The following TIAM2 variants were observed in gnomAD, a reference collection of about 807,000 sequenced individuals.
TIAM2 encodes the protein TIAM Rac1 associated GEF 2, also known as rho guanine nucleotide exchange factor TIAM2.
A neutral mutation model predicts 152.9 loss-of-function variants in TIAM2; 80 were observed. That is an observed-to-expected ratio of 0.52 (90% CI 0.44 to 0.63). The LOEUF (loss-of-function observed/expected upper bound fraction) is 0.63. TIAM2 is among the 30% of genes least tolerant of loss of function. The pLI is 0.00. For missense variants in TIAM2, 1,965 were observed against 2,120.1 expected, an observed-to-expected ratio of 0.93 and a Z score of 1.44; for synonymous variants, 804 against 838.0, an observed-to-expected ratio of 0.96 and a Z score of 0.70.
At chr6:155,136,751 C>A (rs547629636) in intron 4 of TIAM2, among the ~76,000 whole-genome samples, 1 of 152,088 alleles carries the variant, frequency 6.6e-6, no homozygotes, top group Non-Finnish European at 1.5e-5. Flanking sequence ...TAGTAATTTT[C>A]TAATTTACCT....
At chr6:155,098,229 G>A (rs1286628287) in intron 2 of TIAM2, among the ~76,000 whole-genome samples, 1 of 152,004 alleles carries the variant, frequency 6.6e-6, no homozygotes, top group Non-Finnish European at 1.5e-5. Context: ...TTGGTATTTT[G>A]ATAGGGATTG....
intron 26 of TIAM2, chr6:155,254,807 C>T (rs2989459): frequency 0.34 from 168,942 of 499,702 alleles, 32,171 homozygotes; most frequent in Middle Eastern, 0.48. Context: ...TCCAAATGTA[C>T]GATTTTGTTT....
At chr6:155,172,678 ATATATATATTTTTTTTTTTTTTTTT>A (rs1193671253) in intron 9 of TIAM2, among the ~76,000 whole-genome samples, 5 of 13,950 alleles carry the variant, frequency 3.6e-4, no homozygotes, top group African/African-American at 1.8e-3. Flanking sequence ...ATATATATAT[ATATATATATTTTTTTTTTTTTTTTT>A]TTTTTTTTTC....
At position 155,104,040 on chromosome 6, in the gene TIAM2, A is replaced by AC. The variant is rs774902405; in HGVS notation, c.-118+13672dup. Among the ~76,000 whole-genome samples the AC allele has an allele frequency of 8.3e-3, 480 of 57,670 alleles. 22 individuals are homozygous for AC. Among genetic ancestry groups the AC allele is most frequent in the East Asian group, 0.036 (70 of 1,932 alleles). The allele number at this position is 57,670 out of a possible 152,430, so 37.8% of individuals were successfully genotyped here. On this transcript the variant is annotated intron_variant, in intron 2 of 26. Coordinates refer to ENST00000682666, the MANE Select transcript of TIAM2 (RefSeq NM_012454.4). ...TTCTGTATTTACCTCACACACACAC[A>AC]CCCCCCCCCCCACACCCCCACACAC...
intron 1 of TIAM2, among the ~76,000 whole-genome samples, chr6:155,087,153 G>A (rs990247144): frequency 1.3e-5 from 2 of 152,148 alleles, no homozygotes; most frequent in Non-Finnish European, 2.9e-5. Context: ...TCTCCAGGGA[G>A]GTGTTCCCTG....
intron 2 of TIAM2, among the ~76,000 whole-genome samples, chr6:155,092,341 G>A (rs1028299683): frequency 1.3e-5 from 2 of 151,826 alleles, no homozygotes; most frequent in African/African-American, 4.8e-5. Flanking sequence ...CAAGTGATCC[G>A]CCCGTCTCAG....
chr6:155,217,082 G>T, intron 15 of TIAM2: 1 of 1,289,528 alleles, frequency 7.8e-7, no homozygotes, highest in Non-Finnish European at 1.0e-6. Flanking sequence ...TCCTTTTTAT[G>T]TACAGCATGT....
rs200437239 is a variant in TIAM2 at position 155,144,315 on chromosome 6, A to G, written c.1631-291A>G. 5.9e-5 allele frequency among the ~76,000 whole-genome samples: 9 copies of G among 152,326 alleles called. No homozygotes were observed. The South Asian group carries it at 6.2e-4, about 11-fold the overall frequency. The stretch of plus-strand genomic sequence containing the variant: ...TAACCCTGCCCACCTTAGGGCCTCT[A>G]TGGGGATTAAATAAGCCAGTGCATG... On this transcript the variant is annotated intron_variant, in intron 5 of 26. Coordinates refer to ENST00000682666, the MANE Select transcript of TIAM2 (RefSeq NM_012454.4).
Position 155,257,142 on chromosome 6 carries a change from G to A in TIAM2, c.*21G>A. ...CATAGTATGATTCAATCCAGATATGGGTTAAATTCCTCATTTTACTTTTAA... is the reference window on the plus strand; with the variant it reads ...CATAGTATGATTCAATCCAGATATGAGTTAAATTCCTCATTTTACTTTTAA... On this transcript the variant is annotated 3_prime_UTR_variant, in exon 27 of 27. Coordinates refer to ENST00000682666, the MANE Select transcript of TIAM2 (RefSeq NM_012454.4). 1.3e-6 allele frequency: 2 copies of A among 1,594,268 alleles called. No individual in the cohort carries two copies. Among genetic ancestry groups the A allele is most frequent in the African/African-American group, 1.4e-5 (1 of 73,322 alleles).
intron 24 of TIAM2, chr6:155,253,516 G>A (rs1783802611): frequency 5.7e-6 from 1 of 174,738 alleles, no homozygotes; most frequent in Non-Finnish European, 1.2e-5. Flanking sequence ...GGTGACAGAA[G>A]AGGCCAGCAG....
intron 6 of TIAM2, among the ~76,000 whole-genome samples, chr6:155,146,441 A>G (rs566718265): frequency 6.6e-6 from 1 of 152,258 alleles, no homozygotes; most frequent in African/African-American, 2.4e-5. Context: ...AGGCCACTTG[A>G]GGTTTGACCC....
chr6:155,054,487 A>AG (rs1400037226), intron 1 of TIAM2, among the ~76,000 whole-genome samples: 1 of 152,212 alleles, frequency 6.6e-6, no homozygotes, highest in Non-Finnish European at 1.5e-5. Context: ...GAAAGAAGAA[A>AG]GGGAATTGGG....
At chr6:155,149,303 G>C (rs560475090) in intron 7 of TIAM2, 1 of 167,226 alleles carries the variant, frequency 6.0e-6, no homozygotes, top group East Asian at 1.9e-4. Context: ...GGGAATCCGG[G>C]TGATTCACTA....
At chr6:155,241,695 GA>G (rs1373104614) in intron 16 of TIAM2, among the ~76,000 whole-genome samples, 1 of 152,178 alleles carries the variant, frequency 6.6e-6, no homozygotes, top group Non-Finnish European at 1.5e-5. Flanking sequence ...TTTGGCCTCA[GA>G]GGGGAGAAAG....
intron 2 of TIAM2, among the ~76,000 whole-genome samples, chr6:155,096,892 G>A (rs954039375): frequency 2.6e-5 from 4 of 152,182 alleles, no homozygotes; most frequent in Non-Finnish European, 5.9e-5. Flanking sequence ...GGATCACATG[G>A]TAGTTCTATT....
At chr6:155,036,043 T>A (rs1280063737) in intron 1 of TIAM2, among the ~76,000 whole-genome samples, 1 of 152,202 alleles carries the variant, frequency 6.6e-6, no homozygotes, top group African/African-American at 2.4e-5. Context: ...AAAAACCCTG[T>A]GTACAGAGTA....
At chr6:155,239,959 T>C (rs903852361) in intron 15 of TIAM2, among the ~76,000 whole-genome samples, 1 of 152,210 alleles carries the variant, frequency 6.6e-6, no homozygotes, top group Admixed American at 6.5e-5. Context: ...GCTCAAGAGT[T>C]TCTCACTCAT....
chr6:155,104,691 A>G (rs926864939), intron 2 of TIAM2, among the ~76,000 whole-genome samples: 3 of 149,694 alleles, frequency 2.0e-5, no homozygotes, highest in Non-Finnish European at 4.4e-5. Flanking sequence ...CGGGAGGCGG[A>G]GGTTGCCGTG....
At chr6:155,239,886 C>A (rs945375418) in intron 15 of TIAM2, among the ~76,000 whole-genome samples, 40 of 151,918 alleles carry the variant, frequency 2.6e-4, no homozygotes, top group African/African-American at 8.4e-4. Flanking sequence ...GGCTCTGCAC[C>A]CCTTTAGGGT....
Sources: allele counts gnomAD v4.1 joint callset (sites outside exome capture counted in the v4.1 genomes callset), GRCh38; gene constraint gnomAD v4.1.1; transcripts MANE v1.5; gene names NCBI Gene and HGNC (gene_info 2026-07-23, HGNC 2026-07-21).